The following TTBK2 variants were observed in gnomAD, a reference collection of about 807,000 sequenced individuals.
The protein encoded by TTBK2 is tau tubulin kinase 2.
A neutral mutation model predicts 110.8 loss-of-function variants in TTBK2; 28 were observed. The observed-to-expected ratio is 0.25, with a 90% CI of 0.19 to 0.35. TTBK2 has a LOEUF of 0.35. Among genes scored for constraint, TTBK2 ranks in the 10% least tolerant of loss-of-function variants. The pLI is 1.00. For synonymous variants in TTBK2, 532 were observed against 527.3 expected (o/e 1.01, Z -0.12); for missense variants, 1,369 against 1,500.3 (o/e 0.91, Z 1.45).
In TTBK2 at chr15:42,771,037, G is replaced by A. The variant is rs373972219; in HGVS notation, c.1998+4098C>T. Among the ~76,000 whole-genome samples the A allele has an allele frequency of 6.0e-5, 9 of 151,116 alleles. No homozygotes were observed. In the South Asian group the frequency reaches 1.0e-3, roughly 18 times the overall value. ...CGCCCAGGCTGGAGTGCAGTGGCGCGATCTCGGCTCACTGCAACCTCCGGC... is the reference window on the plus strand; with the variant it reads ...CGCCCAGGCTGGAGTGCAGTGGCGCAATCTCGGCTCACTGCAACCTCCGGC... On this transcript the variant is annotated intron_variant, in intron 13 of 14. Coordinates refer to ENST00000267890, the MANE Select transcript of TTBK2 (RefSeq NM_173500.4).
chr15:42,900,008 T>G (rs1204314757), intron 1 of TTBK2, among the ~76,000 whole-genome samples: 3 of 151,870 alleles, frequency 2.0e-5, no homozygotes, highest in Non-Finnish European at 2.9e-5. Flanking sequence ...TTTTCTCTTT[T>G]TTCAGATGGA....
At chr15:42,770,497 A>C (rs1889622788) in intron 13 of TTBK2, among the ~76,000 whole-genome samples, 1 of 152,196 alleles carries the variant, frequency 6.6e-6, no homozygotes, top group Non-Finnish European at 1.5e-5. Flanking sequence ...AAAATCTCCC[A>C]AGTGATATTC....
chr15:42,746,361 A>ATTTCT, intron 14 of TTBK2, 104 bp from the exon 15 acceptor site: 2 of 901,252 alleles, frequency 2.2e-6, no homozygotes, highest in Admixed American at 4.5e-5. Context: ...GAAATCAGAA[A>ATTTCT]ATAGACTAAC....
At chr15:42,754,147 G>C (rs1035913924) in intron 13 of TTBK2, among the ~76,000 whole-genome samples, 1 of 147,866 alleles carries the variant, frequency 6.8e-6, no homozygotes, top group African/African-American at 2.5e-5. Context: ...TAAGTGGTGT[G>C]ATCTTGGCTT....
intron 4 of TTBK2, among the ~76,000 whole-genome samples, chr15:42,833,594 C>T (rs1469791378): frequency 1.3e-5 from 2 of 152,070 alleles, no homozygotes; most frequent in East Asian, 1.9e-4. Flanking sequence ...AATTGTCGGC[C>T]AGGTGTGGTG....
intron 1 of TTBK2, among the ~76,000 whole-genome samples, chr15:42,907,753 T>C (rs150368496): frequency 6.6e-6 from 1 of 152,128 alleles, no homozygotes; most frequent in African/African-American, 2.4e-5. Flanking sequence ...AGATGGTAAA[T>C]CTTATTTGCA....
chr15:42,746,974 T>C (rs1202747738), intron 14 of TTBK2, among the ~76,000 whole-genome samples: 1 of 151,592 alleles, frequency 6.6e-6, no homozygotes, highest in Non-Finnish European at 1.5e-5. Flanking sequence ...TTTTTTTTTT[T>C]TTTTTTTTTA....
intron 6 of TTBK2, among the ~76,000 whole-genome samples, chr15:42,826,599 A>T (rs573296464): frequency 6.6e-6 from 1 of 152,314 alleles, no homozygotes; most frequent in South Asian, 2.1e-4. Context: ...AAACAGATTC[A>T]AATAAAGCAA....
intron 1 of TTBK2, among the ~76,000 whole-genome samples, chr15:42,913,410 C>A (rs1454824671): frequency 6.6e-6 from 1 of 151,968 alleles, no homozygotes; most frequent in Non-Finnish European, 1.5e-5. Context: ...TAGGCCGAGG[C>A]GGGCGGATCA....
intron 9 of TTBK2, among the ~76,000 whole-genome samples, chr15:42,797,969 C>T (rs1223329994): frequency 2.6e-5 from 4 of 152,030 alleles, no homozygotes; most frequent in Non-Finnish European, 5.9e-5. Context: ...CTGCAACCTT[C>T]GCCTCCCGGG....
At chr15:42,869,093 T>C (rs1894505536) in intron 3 of TTBK2, among the ~76,000 whole-genome samples, 1 of 152,054 alleles carries the variant, frequency 6.6e-6, no homozygotes, top group South Asian at 2.1e-4. Context: ...TGCAAATCTA[T>C]ACTTTTTTAT....
chr15:42,857,529 A>C (rs1893991108), intron 3 of TTBK2: 1 of 148,054 alleles, frequency 6.8e-6, no homozygotes, highest in South Asian at 2.1e-4. Context: ...AAAATAAAGA[A>C]AAAAAAAAAG....
intron 13 of TTBK2, among the ~76,000 whole-genome samples, chr15:42,760,581 G>T (rs1459027409): frequency 6.6e-6 from 1 of 151,926 alleles, no homozygotes; most frequent in Non-Finnish European, 1.5e-5. Flanking sequence ...TATTTTATTT[G>T]TTTGCTTAAC....
chr15:42,867,873 A>T (rs920753874), intron 3 of TTBK2, among the ~76,000 whole-genome samples: 2 of 152,244 alleles, frequency 1.3e-5, no homozygotes, highest in Admixed American at 1.3e-4. Context: ...CCACACAAAA[A>T]TCTGCACAGC....
At chr15:42,882,573 C>T (rs1470603262) in intron 1 of TTBK2, among the ~76,000 whole-genome samples, 1 of 151,822 alleles carries the variant, frequency 6.6e-6, no homozygotes, top group Admixed American at 6.6e-5. Context: ...AAGATTGCGC[C>T]ATTGCACTCC....
In TTBK2 at chr15:42,739,602, T is replaced by C. The variant is rs913458961; in HGVS notation, c.*6193A>G. 1 of 152,268 alleles carries C rather than the reference T, an allele frequency of 6.6e-6. No individual in the cohort carries two copies. The highest frequency in any genetic ancestry group is 2.4e-5 in the African/African-American group (1 of 41,464). 9.4% of individuals were successfully genotyped at this position (152,268 alleles called of 1,614,324 possible). The stretch of plus-strand genomic sequence containing the variant: ...GGCCACCTAGGCTGTGTTTATTCAG[T>C]CCACCCAATCCAATGTCAAAGCCCC... On this transcript the variant is annotated 3_prime_UTR_variant, in exon 15 of 15. Coordinates refer to ENST00000267890, the MANE Select transcript of TTBK2 (RefSeq NM_173500.4).
rs2061749670 is a variant in TTBK2 at position 42,741,310 on chromosome 15, G to C, written c.*4485C>G. ...GGGCTGATGGTTGGAACTGCCTTTAGTTCTCTAAGTAAAGGTCTAAAAATG... is the reference window on the plus strand; with the variant it reads ...GGGCTGATGGTTGGAACTGCCTTTACTTCTCTAAGTAAAGGTCTAAAAATG... On this transcript the variant is annotated 3_prime_UTR_variant, in exon 15 of 15. Transcript: ENST00000267890. The C allele has an allele frequency of 1.3e-5, 2 of 152,188 alleles. No homozygotes were observed. Among genetic ancestry groups the C allele is most frequent in the African/African-American group, 4.8e-5 (2 of 41,436 alleles). The allele number at this position is 152,188 out of a possible 1,614,324, so 9.4% of individuals were successfully genotyped here. A position where few individuals can be genotyped will look rare whatever the true frequency, so the allele number is the denominator to read the frequency against.
rs759587376 is a variant in TTBK2 at position 42,783,651 on chromosome 15, GA to G, written c.981-17del. The G allele has an allele frequency of 3.8e-6, 6 of 1,575,790 alleles. No individual in the cohort carries two copies. The highest frequency in any genetic ancestry group is 4.5e-5 in the East Asian group (2 of 44,070). On this transcript the variant is annotated splice_polypyrimidine_tract_variant and intron_variant, in intron 10 of 14. Coordinates refer to ENST00000267890, the MANE Select transcript of TTBK2 (RefSeq NM_173500.4). ...ATTGGCAATTCTACATATGAAGGGA[GA>G]AAAAAAAGGCAAGAATCAAAAATTA...
At chr15:42,842,722 A>G (rs1299206395) in intron 3 of TTBK2, among the ~76,000 whole-genome samples, 2 of 131,218 alleles carry the variant, frequency 1.5e-5, no homozygotes, top group East Asian at 4.5e-4. Flanking sequence ...CCCTTCCCCT[A>G]AAAAAAAAAA....
Sources: allele counts gnomAD v4.1 joint callset (sites outside exome capture counted in the v4.1 genomes callset), GRCh38; gene constraint gnomAD v4.1.1; transcripts MANE v1.5; gene names NCBI Gene and HGNC (gene_info 2026-07-23, HGNC 2026-07-21).